The following CHRNA5 variants were observed in gnomAD, a reference collection of about 807,000 sequenced individuals.
The protein encoded by CHRNA5 is cholinergic receptor nicotinic alpha 5 subunit.
Under a neutral mutation model 41.2 loss-of-function variants are expected in CHRNA5, and 28 were observed. The ratio of observed to expected loss-of-function variants is 0.68; its 90% confidence interval spans 0.50 to 0.93. The LOEUF (loss-of-function observed/expected upper bound fraction) is 0.93, where lower values mean the gene tolerates loss of function less well. Ranked by LOEUF, CHRNA5 falls within the 40% of genes least tolerant of loss-of-function variation. The pLI, the probability that CHRNA5 is intolerant of heterozygous loss-of-function variation, is 0.00. For synonymous variants in CHRNA5, 188 were observed against 205.8 expected, an observed-to-expected ratio of 0.91 and a Z score of 0.74; for missense variants, 481 against 581.9, an observed-to-expected ratio of 0.83 and a Z score of 1.78.
chr15:78,577,450 A>G lies in CHRNA5; in HGVS notation c.107-3361A>G, dbSNP rs539614901. Among the ~76,000 whole-genome samples the G allele has an allele frequency of 5.3e-5, 8 of 152,328 alleles. No homozygotes were observed. In the South Asian group the frequency reaches 1.7e-3, roughly 32 times the overall value. ...CACTGCTGTAAAGTGTCCTAAGAAA[A>G]TGGTATTTCTAGTATGGGATGTATT... On this transcript the variant is annotated intron_variant, in intron 1 of 5. Transcript: ENST00000299565.
chr15:78,590,276 C>T (rs141986748), exon 5 of CHRNA5: 39 of 1,613,926 alleles, frequency 2.4e-5, no homozygotes, highest in Non-Finnish European at 3.1e-5. Flanking sequence ...TGACTGTCTT[C>T]CTTCTGGTTA....
intron 5 of CHRNA5, 55 bp downstream of exon 5, chr15:78,590,691 T>TA: frequency 6.8e-7 from 1 of 1,464,956 alleles, no homozygotes; most frequent in East Asian, 2.3e-5. Flanking sequence ...GTTCAGAAGT[T>TA]ACTTTCATTA....
intron 2 of CHRNA5, among the ~76,000 whole-genome samples, chr15:78,584,919 G>A (rs1215549434): frequency 1.3e-5 from 2 of 152,110 alleles, no homozygotes; most frequent in Non-Finnish European, 2.9e-5. Flanking sequence ...AATCGGTGCT[G>A]TGACTTTAAG....
At chr15:78,570,635 G>A (rs1376657206) in intron 1 of CHRNA5, among the ~76,000 whole-genome samples, 1 of 151,784 alleles carries the variant, frequency 6.6e-6, no homozygotes, top group Admixed American at 6.6e-5. Context: ...ATAAAATATA[G>A]CCTTTTACCA....
exon 5 of CHRNA5, chr15:78,590,077 A>C (rs1334705709): frequency 1.2e-6 from 2 of 1,614,094 alleles, no homozygotes; most frequent in Non-Finnish European, 1.7e-6. Context: ...AGCAAAGGAA[A>C]CAGAACCGAC....
intron 5 of CHRNA5, 109 bp downstream of exon 5, chr15:78,590,745 A>AT (rs2053005797): frequency 1.2e-6 from 1 of 867,070 alleles, no homozygotes; most frequent in Non-Finnish European, 1.7e-6. Flanking sequence ...AAGACTAAGC[A>AT]TAGATTGAGG....
intron 1 of CHRNA5, among the ~76,000 whole-genome samples, chr15:78,578,882 T>C (rs954429627): frequency 2.0e-5 from 3 of 152,244 alleles, no homozygotes; most frequent in Non-Finnish European, 4.4e-5. Context: ...TGAATTTTTA[T>C]ACATTTCACA....
chr15:78,572,405 A>C (rs901322105), intron 1 of CHRNA5, among the ~76,000 whole-genome samples: 3 of 152,206 alleles, frequency 2.0e-5, no homozygotes, highest in Non-Finnish European at 4.4e-5. Flanking sequence ...CATAATGATC[A>C]CTTTGCAGCT....
chr15:78,572,649 A>G (rs2052816352), intron 1 of CHRNA5, among the ~76,000 whole-genome samples: 1 of 151,550 alleles, frequency 6.6e-6, no homozygotes, highest in South Asian at 2.1e-4. Context: ...ACGCCTGGCT[A>G]ATTTTGTATT....
rs143951301 is a variant in CHRNA5, at chr15:78,573,109, C to G, written c.106+7284C>G. Among the ~76,000 whole-genome samples the G allele has an allele frequency of 3.6e-4, 55 of 152,324 alleles. No homozygotes were observed. The East Asian group carries it at 9.1e-3, about 25-fold the overall frequency. On this transcript the variant is annotated intron_variant, in intron 1 of 5. Coordinates refer to ENST00000299565, the Ensembl canonical transcript of CHRNA5. ...GCAAGAAGGGTCAGTTTTGCTCCCCCTCACCAACATTTGGCAATGTCTGGA... is the reference window on the plus strand; with the variant it reads ...GCAAGAAGGGTCAGTTTTGCTCCCCGTCACCAACATTTGGCAATGTCTGGA...
At chr15:78,590,548 C>T in exon 5 of CHRNA5, 1 of 1,614,142 alleles carries the variant, frequency 6.2e-7, no homozygotes, top group Non-Finnish European at 8.5e-7. Flanking sequence ...GGTAGTGGAC[C>T]AAAATCTTCT....
At chr15:78,576,411 G>A (rs1322608387) in intron 1 of CHRNA5, among the ~76,000 whole-genome samples, 1 of 152,312 alleles carries the variant, frequency 6.6e-6, no homozygotes. Context: ...CTCCCAAAGT[G>A]CTGGGATTAC....
chr15:78,570,257 A>G (rs1308772853), intron 1 of CHRNA5, among the ~76,000 whole-genome samples: 3 of 150,608 alleles, frequency 2.0e-5, no homozygotes, highest in Admixed American at 6.6e-5. Flanking sequence ...CCTACTGTTT[A>G]TTTATTTATT....
intron 3 of CHRNA5, among the ~76,000 whole-genome samples, chr15:78,586,994 C>T (rs560780035): frequency 1.3e-5 from 2 of 152,280 alleles, no homozygotes; most frequent in Admixed American, 1.3e-4. Context: ...TAAGGACATA[C>T]CCAAGGCTGG....
At chr15:78,569,685 G>A (rs967915638) in intron 1 of CHRNA5, among the ~76,000 whole-genome samples, 3 of 151,998 alleles carry the variant, frequency 2.0e-5, no homozygotes, top group Non-Finnish European at 2.9e-5. Flanking sequence ...CGCCCGCCTC[G>A]GCGTCCCAAA....
Position 78,588,093 on chromosome 15 carries a change from G to T in CHRNA5, c.304-221G>T, listed in dbSNP as rs1305782333. On this transcript the variant is annotated intron_variant, in intron 3 of 5. Transcript: ENST00000299565. This position sits in a 1 kb window ranked among gnomAD's most constrained non-coding sequence, Gnocchi z 4.1. ...CCGAGCAGAGCCATGAACACATCTA[G>T]CTCTGGTTCTCACCTGTGTCTCACA... Among the ~76,000 whole-genome samples, 1 of 152,166 alleles carries T rather than the reference G, an allele frequency of 6.6e-6. No homozygotes were observed. Among genetic ancestry groups the T allele is most frequent in the Non-Finnish European group, 1.5e-5 (1 of 68,036 alleles).
intron 5 of CHRNA5, 121 bp from the exon 6 acceptor site, chr15:78,592,971 G>A (rs983433002): frequency 4.1e-5 from 50 of 1,209,168 alleles, no homozygotes; most frequent in Middle Eastern, 2.9e-4. Context: ...GTCACTTACC[G>A]TTTAGAGGCA....
At chr15:78,581,251 A>G (rs531943879) in intron 2 of CHRNA5, among the ~76,000 whole-genome samples, 7 of 152,388 alleles carry the variant, frequency 4.6e-5, no homozygotes, top group African/African-American at 1.7e-4. Context: ...TGTTAAAAAT[A>G]GTTTCAAAAA....
At chr15:78,589,672 A>G in intron 4 of CHRNA5, 133 bp from the exon 5 acceptor site, 1 of 696,160 alleles carries the variant, frequency 1.4e-6, no homozygotes, top group East Asian at 2.8e-5. Flanking sequence ...CGTATATCTT[A>G]TCTGAAGTAT....
Sources: allele counts gnomAD v4.1 joint callset (sites outside exome capture counted in the v4.1 genomes callset), GRCh38; gene constraint gnomAD v4.1.1; non-coding constraint Gnocchi (gnomAD v3.1); transcripts MANE v1.5; gene names NCBI Gene and HGNC (gene_info 2026-07-23, HGNC 2026-07-21).